The following APBA2 variants were observed in gnomAD, a reference collection of about 807,000 sequenced individuals.
APBA2 encodes the protein amyloid beta precursor protein binding family A member 2.
Under a neutral mutation model 75.0 loss-of-function variants are expected in APBA2, and 30 were observed. That is an observed-to-expected ratio of 0.40 (90% CI 0.30 to 0.54). The LOEUF is 0.54. Ranked by LOEUF, APBA2 falls within the 20% of genes least tolerant of loss-of-function variation. The pLI is 0.49. For synonymous variants in APBA2, 444 were observed against 409.6 expected, an observed-to-expected ratio of 1.08 and a Z score of -1.01; for missense variants, 801 against 1,016.1, an observed-to-expected ratio of 0.79 and a Z score of 2.88.
chr15:29,023,441 CTTTTTTTTTTTTTTTTTTTTT>C (rs10604525), intron 3 of APBA2, among the ~76,000 whole-genome samples: 1 of 73,290 alleles, frequency 1.4e-5, no homozygotes, highest in Non-Finnish European at 2.4e-5. Flanking sequence ...TACCTTTTTC[CTTTTTTTTTTTTTTTTTTTTT>C]TTTTTTTTTT....
At chr15:28,981,648 T>C (rs2037628305) in intron 2 of APBA2, among the ~76,000 whole-genome samples, 1 of 152,174 alleles carries the variant, frequency 6.6e-6, no homozygotes, top group African/African-American at 2.4e-5. Context: ...AGCAATCCCA[T>C]TCCTCAGTAT....
At chr15:29,078,798 A>G (rs1264765297) in intron 6 of APBA2, among the ~76,000 whole-genome samples, 2 of 152,108 alleles carry the variant, frequency 1.3e-5, no homozygotes, top group African/African-American at 4.8e-5. Flanking sequence ...AGGCAGGAAG[A>G]AAAAAGGAGA....
intron 3 of APBA2, among the ~76,000 whole-genome samples, chr15:29,027,746 C>T (rs930278895): frequency 5.3e-5 from 8 of 151,938 alleles, no homozygotes; most frequent in Non-Finnish European, 2.9e-5. Context: ...GGACTACAGG[C>T]GCCTGCCACC....
intron 2 of APBA2, among the ~76,000 whole-genome samples, chr15:28,939,022 T>A (rs2035035744): frequency 6.6e-6 from 1 of 152,142 alleles, no homozygotes; most frequent in South Asian, 2.1e-4. Context: ...CCTTTCCCCC[T>A]TCCTCCAGCC....
At chr15:29,021,555 A>G (rs142387199) in intron 3 of APBA2, among the ~76,000 whole-genome samples, 180 of 152,278 alleles carry the variant, frequency 1.2e-3, no homozygotes, top group Non-Finnish European at 1.9e-3. Flanking sequence ...GCCAACCCCC[A>G]TGAAACCATT....
intron 13 of APBA2, 54 bp downstream of exon 13, chr15:29,108,443 G>C (rs1050264352): frequency 3.7e-6 from 6 of 1,612,788 alleles, no homozygotes; most frequent in Non-Finnish European, 1.7e-6. Flanking sequence ...GCCCAGGGAG[G>C]GGGAGCAGCT....
intron 4 of APBA2, among the ~76,000 whole-genome samples, chr15:29,058,927 G>A (rs968214159): frequency 1.3e-5 from 2 of 152,226 alleles, no homozygotes; most frequent in Non-Finnish European, 2.9e-5. Context: ...CCCAAAACAC[G>A]CTCTTAGAGG....
rs989749691 is a variant in APBA2, at chr15:29,108,581, G to A, written c.2037+192G>A. On this transcript the variant is annotated intron_variant, in intron 13 of 14. Transcript: ENST00000683413. ...CTCTGGGAGGTCCTGGCTAGAAGGGGAGGGCCAGGGCATGGCCGTGGATTG... is the reference window on the plus strand; with the variant it reads ...CTCTGGGAGGTCCTGGCTAGAAGGGAAGGGCCAGGGCATGGCCGTGGATTG... 4 of 836,864 alleles carry A rather than the reference G, an allele frequency of 4.8e-6. No individual in the cohort carries two copies. In the Admixed American group the frequency reaches 7.1e-5, roughly 15 times the overall value. 51.8% of individuals were successfully genotyped at this position (836,864 alleles called of 1,614,324 possible).
At chr15:28,972,868 C>T (rs572487243) in intron 2 of APBA2, among the ~76,000 whole-genome samples, 6 of 152,310 alleles carry the variant, frequency 3.9e-5, no homozygotes, top group African/African-American at 1.2e-4. Flanking sequence ...CCAAAAAATA[C>T]TCCTCCTGAA....
chr15:28,923,227 G>GC (rs1355634961), intron 2 of APBA2, among the ~76,000 whole-genome samples: 3 of 151,944 alleles, frequency 2.0e-5, no homozygotes, highest in Non-Finnish European at 2.9e-5. Flanking sequence ...TCTCCCCACC[G>GC]CCCCTGCCCT....
intron 2 of APBA2, among the ~76,000 whole-genome samples, chr15:28,927,418 C>G (rs1252683488): frequency 6.6e-6 from 1 of 151,394 alleles, no homozygotes; most frequent in South Asian, 2.1e-4. Flanking sequence ...TGGCTTGGAT[C>G]TGTCATTAAT....
intron 3 of APBA2, among the ~76,000 whole-genome samples, chr15:29,045,094 TC>T (rs1477889224): frequency 3.2e-5 from 4 of 126,556 alleles, no homozygotes; most frequent in South Asian, 2.3e-4. Flanking sequence ...TCTCTCTCTC[TC>T]TCTCTCTCGT....
At chr15:28,956,180 G>T (rs796971361) in intron 2 of APBA2, among the ~76,000 whole-genome samples, 39 of 152,272 alleles carry the variant, frequency 2.6e-4, no homozygotes, top group African/African-American at 9.1e-4. Context: ...TAACAGAAGG[G>T]TGGGGCAGAG....
At chr15:29,068,784 GGGGCTCTCACA>G (rs1354738223) in intron 4 of APBA2, among the ~76,000 whole-genome samples, 1 of 152,224 alleles carries the variant, frequency 6.6e-6, no homozygotes, top group Non-Finnish European at 1.5e-5. Context: ...CTTAGGTGAA[GGGGCTCTCACA>G]GGGCAGTATG....
intron 1 of APBA2, among the ~76,000 whole-genome samples, chr15:28,892,139 A>G (rs940468690): frequency 2.6e-5 from 4 of 152,194 alleles, no homozygotes; most frequent in Admixed American, 6.5e-5. Context: ...CAGTGGCTCA[A>G]TCTCAGCTCA....
At chr15:29,111,911 C>T (rs2044754135) in intron 13 of APBA2, among the ~76,000 whole-genome samples, 1 of 152,170 alleles carries the variant, frequency 6.6e-6, no homozygotes, top group African/African-American at 2.4e-5. Context: ...GGTCCAAGCC[C>T]CTCGTCCCTC....
chr15:29,018,431 G>T (rs1167632504), intron 3 of APBA2, among the ~76,000 whole-genome samples: 6 of 152,212 alleles, frequency 3.9e-5, no homozygotes, highest in Admixed American at 3.3e-4. Context: ...TCCCTACAGA[G>T]ACTTCAGTGA....
At chr15:28,987,731 T>TAG (rs1404789560) in intron 2 of APBA2, among the ~76,000 whole-genome samples, 1 of 133,392 alleles carries the variant, frequency 7.5e-6, no homozygotes, top group East Asian at 2.5e-4. Flanking sequence ...TGGAGAGAGA[T>TAG]ATATATATAT....
At chr15:29,070,849 G>A (rs940160904) in intron 4 of APBA2, 11 of 324,980 alleles carry the variant, frequency 3.4e-5, no homozygotes, top group Admixed American at 2.7e-4. Context: ...AGGGATGATC[G>A]CCTCTTTTGA....
Sources: gnomAD v4.1 joint callset for allele counts (sites outside exome capture counted in the v4.1 genomes callset) on GRCh38, gnomAD v4.1.1 for gene constraint, MANE v1.5 for transcripts, NCBI Gene and HGNC (gene_info 2026-07-23, HGNC 2026-07-21) for gene names.